Variants in TRPC4AP observed in about 807,000 individuals in gnomAD.
TRPC4AP encodes short transient receptor potential channel 4-associated protein.
TRPC4AP carries 45 observed loss-of-function variants against 99.0 expected under a neutral mutation model. The ratio of observed to expected loss-of-function variants is 0.45; its 90% CI spans 0.36 to 0.58. The LOEUF (loss-of-function observed/expected upper bound fraction) is 0.58, where lower values mean the gene tolerates loss of function less well. Ranked by LOEUF, TRPC4AP falls within the 20% of genes least tolerant of loss-of-function variation. The pLI is 0.00. For missense variants in TRPC4AP, 879 were observed against 985.3 expected (o/e 0.89, Z 1.44); for synonymous variants, 408 against 385.8 (o/e 1.06, Z -0.67).
At position 35,078,089 on chromosome 20, in the gene TRPC4AP, C is replaced by A; in HGVS notation, c.254G>T (p.Ser85Ile). 1 of 1,613,902 alleles carries A rather than the reference C, an allele frequency of 6.2e-7. No individual in the cohort carries two copies. Among genetic ancestry groups the A allele is most frequent in the Non-Finnish European group, 8.5e-7 (1 of 1,179,878 alleles). The change falls in exon 2 of 19, where the codon AGC (serine) becomes ATC (isoleucine). Residue 85 changes from serine to isoleucine, a missense_variant. Ser to Ile is a moderately radical substitution (Grantham distance 142, BLOSUM62 -2). Around this residue, in one of 3 missense-constraint regions of TRPC4AP, gnomAD observed 603 missense variants for 631.8 expected, o/e 0.95. Transcript: ENST00000252015. The part of the protein sequence containing the change: ...PQLLLKLHTT[S>I]HLHSDFVECQ... ...CTCAACAAAGTCACTGTGGAGGTGGCTGGTGGTGTGCAGCTTGAGGAGCAG... is the reference window on the plus strand; with the variant it reads ...CTCAACAAAGTCACTGTGGAGGTGGATGGTGGTGTGCAGCTTGAGGAGCAG...
Position 35,004,477 on chromosome 20 carries a change from T to TG in TRPC4AP, c.2029dup (p.His677ProfsTer105). 1 of 1,613,768 alleles carries TG rather than the reference T, an allele frequency of 6.2e-7. No homozygotes were observed. Among genetic ancestry groups the TG allele is most frequent in the Non-Finnish European group, 8.5e-7 (1 of 1,179,838 alleles). ...TCTCACCTGGGTCAGCGTCTGCACG[T>TG]GGATGATGTTGATGAGGCGGAAGAG... On this transcript the variant is annotated frameshift_variant, in exon 17 of 19. Transcript: ENST00000252015. LOFTEE classifies it high-confidence loss of function.
At chr20:35,087,220 T>A (rs1460423802) in intron 1 of TRPC4AP, among the ~76,000 whole-genome samples, 1 of 148,360 alleles carries the variant, frequency 6.7e-6, no homozygotes, top group Non-Finnish European at 1.5e-5. Context: ...GCACCTGTAG[T>A]CCCAGCTACT....
At chr20:35,004,837 C>T (rs2082482915) in intron 16 of TRPC4AP, among the ~76,000 whole-genome samples, 1 of 152,230 alleles carries the variant, frequency 6.6e-6, no homozygotes, top group Non-Finnish European at 1.5e-5. Context: ...CCTCCCCAGA[C>T]TGGCTCCAGA....
chr20:35,055,723 A>C (rs547891331), intron 4 of TRPC4AP, among the ~76,000 whole-genome samples: 53 of 152,362 alleles, frequency 3.5e-4, no homozygotes, highest in Non-Finnish European at 6.0e-4. Flanking sequence ...ATTTCCATTG[A>C]AAGTTCTACT....
At chr20:35,007,526 G>C in intron 14 of TRPC4AP, 24 bp downstream of exon 14, 1 of 1,612,648 alleles carries the variant, frequency 6.2e-7, no homozygotes, top group Non-Finnish European at 8.5e-7. Context: ...CGGAACCCAA[G>C]ACACTGGCTG....
chr20:35,089,898 T>C (rs1354136275), intron 1 of TRPC4AP, among the ~76,000 whole-genome samples: 1 of 151,674 alleles, frequency 6.6e-6, no homozygotes, highest in Non-Finnish European at 1.5e-5. Flanking sequence ...CTATACCACA[T>C]GCCATAACAG....
At chr20:35,069,923 AGAGG>A (rs1255413303) in intron 2 of TRPC4AP, among the ~76,000 whole-genome samples, 1 of 152,178 alleles carries the variant, frequency 6.6e-6, no homozygotes, top group Non-Finnish European at 1.5e-5. Flanking sequence ...CCTCGGCAAC[AGAGG>A]GAGACTCTGT....
intron 3 of TRPC4AP, among the ~76,000 whole-genome samples, chr20:35,059,926 CGAA>C (rs1041030091): frequency 1.3e-4 from 15 of 118,436 alleles, no homozygotes; most frequent in African/African-American, 4.4e-4. Context: ...AAGACAAAGA[CGAA>C]GAAGACGAAG....
chr20:35,066,197 G>A (rs747152262), intron 3 of TRPC4AP, among the ~76,000 whole-genome samples: 37 of 151,798 alleles, frequency 2.4e-4, no homozygotes, highest in Admixed American at 1.5e-3. Flanking sequence ...TCAACCTCCC[G>A]GACTCAACCA....
rs533420281 is a variant in TRPC4AP, at chr20:35,011,789, C to A, written c.1409+1219G>T. ...ACATGCCTGTTCACTCAATTCACTA[C>A]AAGCTGACACTTCAGGTCTTGGCTG... On this transcript the variant is annotated intron_variant, in intron 11 of 18. Coordinates refer to ENST00000252015, the MANE Select transcript of TRPC4AP (RefSeq NM_015638.3). 6.9e-4 allele frequency among the ~76,000 whole-genome samples: 105 copies of A among 152,342 alleles called. 1 individual carries two copies. Among genetic ancestry groups the A allele is most frequent in the African/African-American group, 2.4e-3 (100 of 41,586 alleles).
intron 8 of TRPC4AP, among the ~76,000 whole-genome samples, chr20:35,023,928 C>T (rs1451995473): frequency 1.3e-5 from 2 of 152,232 alleles, no homozygotes; most frequent in African/African-American, 2.4e-5. Context: ...CCTGACAAGA[C>T]TTTCTGTGAT....
At chr20:35,074,724 C>T (rs576909153) in intron 2 of TRPC4AP, among the ~76,000 whole-genome samples, 9 of 152,238 alleles carry the variant, frequency 5.9e-5, no homozygotes, top group East Asian at 5.8e-4. Flanking sequence ...TGCGACGTGG[C>T]GCTGAGAAGA....
intron 1 of TRPC4AP, among the ~76,000 whole-genome samples, chr20:35,081,488 G>A (rs532600594): frequency 1.3e-5 from 2 of 151,330 alleles, no homozygotes; most frequent in East Asian, 1.9e-4. Flanking sequence ...ACTCCAGCCC[G>A]GGCAACAGAA....
intron 11 of TRPC4AP, among the ~76,000 whole-genome samples, chr20:35,011,777 C>T (rs1285533646): frequency 6.6e-6 from 1 of 152,228 alleles, no homozygotes; most frequent in Non-Finnish European, 1.5e-5. Flanking sequence ...TGCCTGTTCA[C>T]TCAATTCACT....
At chr20:35,007,009 C>A (rs143128862) in intron 14 of TRPC4AP, among the ~76,000 whole-genome samples, 1 of 152,150 alleles carries the variant, frequency 6.6e-6, no homozygotes, top group African/African-American at 2.4e-5. Context: ...TGTTTATGAA[C>A]GAAATTGTTT....
At chr20:35,059,673 AGAAGAAGAAGAAG>A (rs966819586) in intron 3 of TRPC4AP, among the ~76,000 whole-genome samples, 1 of 57,374 alleles carries the variant, frequency 1.7e-5, no homozygotes, top group Non-Finnish European at 4.7e-5. Context: ...AAGAAAAAAA[AGAAGAAGAAGAAG>A]GAAGAAGAAG....
intron 7 of TRPC4AP, among the ~76,000 whole-genome samples, chr20:35,042,071 T>C (rs2083456801): frequency 6.6e-6 from 1 of 152,234 alleles, no homozygotes; most frequent in African/African-American, 2.4e-5. Context: ...TGCAGGTTTG[T>C]TACATATGTA....
chr20:35,008,640 G>A (rs2082564342), intron 13 of TRPC4AP, 24 bp downstream of exon 13: 2 of 1,606,564 alleles, frequency 1.2e-6, no homozygotes, highest in African/African-American at 1.3e-5. Context: ...CGCAGAATCG[G>A]CAGGTACTTT....
intron 1 of TRPC4AP, among the ~76,000 whole-genome samples, chr20:35,081,538 A>G (rs1569152122): frequency 1.3e-5 from 2 of 151,782 alleles, no homozygotes; most frequent in African/African-American, 4.8e-5. Context: ...AATAAAATAA[A>G]ATAAAAATAA....
Sources: gnomAD v4.1 joint callset for allele counts (sites outside exome capture counted in the v4.1 genomes callset) on GRCh38, gnomAD v4.1.1 for gene constraint, gnomAD v4.1.1 regional missense constraint, MANE v1.5 for transcripts, NCBI Gene and HGNC (gene_info 2026-07-23, HGNC 2026-07-21) for gene names.